Variants in RCN2 observed in about 807,000 individuals in gnomAD.
RCN2 encodes reticulocalbin 2.
A neutral mutation model predicts 37.5 loss-of-function variants in RCN2; 23 were observed. That is an observed-to-expected ratio of 0.61 (90% CI 0.44 to 0.87). RCN2 has a LOEUF of 0.87. Ranked by LOEUF, RCN2 falls within the 40% of genes least tolerant of loss-of-function variation. The pLI is 0.00. For missense variants in RCN2, 381 were observed against 390.4 expected (o/e 0.98, Z 0.20); for synonymous variants, 140 against 144.6 (o/e 0.97, Z 0.23).
intron 3 of RCN2, chr15:76,941,564 G>A: frequency 1.2e-6 from 1 of 818,624 alleles, no homozygotes; most frequent in South Asian, 2.1e-5. Flanking sequence ...AGAATACAAA[G>A]TTTTTATATA....
intron 3 of RCN2, among the ~76,000 whole-genome samples, chr15:76,940,109 A>AC (rs2075270757): frequency 6.7e-6 from 1 of 148,554 alleles, no homozygotes; most frequent in Non-Finnish European, 1.5e-5. Context: ...CCTTTTGGTT[A>AC]TTTTTTTTTT....
At chr15:76,945,167 C>T (rs2075292034) in intron 4 of RCN2, among the ~76,000 whole-genome samples, 1 of 152,212 alleles carries the variant, frequency 6.6e-6, no homozygotes, top group East Asian at 1.9e-4. Context: ...AGGTGAAAGA[C>T]TGAATTTTTA....
Position 76,949,314 on chromosome 15 carries a change from C to A in RCN2, c.*92C>A. The A allele has an allele frequency of 1.1e-6, 1 of 886,160 alleles. No individual in the cohort carries two copies. 54.9% of individuals were successfully genotyped at this position (886,160 alleles called of 1,614,324 possible). ...TAAAATATTGATGTTGTATTTTACACTCTTAAGTCTTAACCACAGTCAGAA... is the reference window on the plus strand; with the variant it reads ...TAAAATATTGATGTTGTATTTTACAATCTTAAGTCTTAACCACAGTCAGAA... On this transcript the variant is annotated 3_prime_UTR_variant, in exon 7 of 7. Coordinates refer to ENST00000394885, the MANE Select transcript of RCN2 (RefSeq NM_002902.3).
intron 3 of RCN2, chr15:76,941,750 A>AC (rs2075277422): frequency 1.3e-6 from 1 of 796,094 alleles, no homozygotes; most frequent in Non-Finnish European, 1.8e-6. Flanking sequence ...AGAAAAAGCT[A>AC]CCCCCTTCAC....
At chr15:76,936,177 T>C (rs2075246766) in intron 3 of RCN2, among the ~76,000 whole-genome samples, 1 of 144,658 alleles carries the variant, frequency 6.9e-6, no homozygotes, top group African/African-American at 2.5e-5. Flanking sequence ...AAGTAAGTAT[T>C]AAAAAAAAAA....
chr15:76,934,803 A>G (rs1446475804), intron 2 of RCN2, among the ~76,000 whole-genome samples: 1 of 152,208 alleles, frequency 6.6e-6, no homozygotes, highest in Non-Finnish European at 1.5e-5. Flanking sequence ...ATAAATAGCT[A>G]TCAAAATATT....
intron 3 of RCN2, among the ~76,000 whole-genome samples, chr15:76,936,428 C>T (rs1386664327): frequency 6.6e-6 from 1 of 152,094 alleles, no homozygotes; most frequent in Non-Finnish European, 1.5e-5. Flanking sequence ...AATTGTTCCA[C>T]CTCAGATCAG....
At chr15:76,943,984 CTTTTTT>C (rs11361216) in intron 4 of RCN2, 113 bp downstream of exon 4, 168 of 96,296 alleles carry the variant, frequency 1.7e-3, no homozygotes, top group Middle Eastern at 7.7e-3. Context: ...ATACATGAGA[CTTTTTT>C]TTTTTTTTTT....
Position 76,953,901 on chromosome 15 carries a change from C to T in RCN2, c.*4679C>T, listed in dbSNP as rs1436937713. On this transcript the variant is annotated 3_prime_UTR_variant, in exon 7 of 7. Coordinates refer to ENST00000394885, the MANE Select transcript of RCN2 (RefSeq NM_002902.3). ...GGATTACAGGCGTGAGCCACCGCGC[C>T]CGACTAGTAATTCTATTTTTAATAT... 1.3e-5 allele frequency: 2 copies of T among 151,768 alleles called. No individual in the cohort carries two copies. The highest frequency in any genetic ancestry group is 2.4e-5 in the African/African-American group (1 of 41,340). 9.4% of individuals were successfully genotyped at this position (151,768 alleles called of 1,614,324 possible). A position where few individuals can be genotyped will look rare whatever the true frequency, so the allele number is the denominator to read the frequency against.
At position 76,953,576 on chromosome 15, in the gene RCN2, TA is replaced by T. The variant is rs1568463488; in HGVS notation, c.*4355del. Reference sequence around the variant, plus strand: ...AATTCTATATATATATATATATATATATATATATATATATATATTTTTTTTT... The same window carrying T: ...AATTCTATATATATATATATATATATTATATATATATATATATTTTTTTTT... On this transcript the variant is annotated 3_prime_UTR_variant, in exon 7 of 7. Transcript: ENST00000394885. 21 of 20,126 alleles carry T rather than the reference TA, an allele frequency of 1.0e-3. No individual in the cohort carries two copies. Among genetic ancestry groups the T allele is most frequent in the East Asian group, 3.4e-3 (3 of 894 alleles). The allele number at this position is 20,126 out of a possible 1,614,324, so 1.2% of individuals were successfully genotyped here. A position where few individuals can be genotyped will look rare whatever the true frequency, so the allele number is the denominator to read the frequency against.
In RCN2 at chr15:76,943,774, A is replaced by G. The variant is rs1228500352; in HGVS notation, c.464A>G (p.Lys155Arg). 1 of 1,603,304 alleles carries G rather than the reference A, an allele frequency of 6.2e-7. No homozygotes were observed. Among genetic ancestry groups the G allele is most frequent in the South Asian group, 1.1e-5 (1 of 90,084 alleles). Reference protein sequence around the residue: ...ESFRKLHLKDKKRFEKANQDS... With the variant: ...ESFRKLHLKDRKRFEKANQDS... Reference sequence around the variant, plus strand: ...TTTTCAAAGCTTCACTTAAAGGACAAGAAGCGATTTGAAAAAGCTAACCAG... The same window carrying G: ...TTTTCAAAGCTTCACTTAAAGGACAGGAAGCGATTTGAAAAAGCTAACCAG... Residue 155 changes from lysine (K) to arginine (R), a missense_variant, in exon 4 of 7, where the codon AAG becomes AGG. Coordinates refer to ENST00000394885, the MANE Select transcript of RCN2 (RefSeq NM_002902.3).
At chr15:76,948,949 A>T in intron 6 of RCN2, 121 bp from the exon 7 acceptor site, 1 of 876,904 alleles carries the variant, frequency 1.1e-6, no homozygotes, top group Non-Finnish European at 1.7e-6. Flanking sequence ...ATTTTTAGAT[A>T]CTTAAACAAT....
chr15:76,932,211 GGT>G, intron 1 of RCN2, 148 bp from the exon 2 acceptor site: 1 of 724,324 alleles, frequency 1.4e-6, no homozygotes, highest in Non-Finnish European at 2.3e-6. Context: ...GATCATGGAG[GGT>G]GTGTAGGGGG....
intron 4 of RCN2, among the ~76,000 whole-genome samples, chr15:76,944,141 C>T (rs2075287667): frequency 6.6e-6 from 1 of 151,920 alleles, no homozygotes; most frequent in African/African-American, 2.4e-5. Context: ...CTACAGGCGC[C>T]CGCCACTACA....
intron 2 of RCN2, among the ~76,000 whole-genome samples, chr15:76,934,300 T>C (rs779209039): frequency 6.6e-6 from 1 of 151,836 alleles, no homozygotes; most frequent in African/African-American, 2.4e-5. Context: ...CTGGCCACCA[T>C]GCCCGGCTAA....
chr15:76,942,553 A>G (rs2075280272), intron 3 of RCN2: 1 of 152,204 alleles, frequency 6.6e-6, no homozygotes, highest in Admixed American at 6.5e-5. Flanking sequence ...AGAAAAGGAT[A>G]TGTGTTTATT....
At chr15:76,934,105 T>G (rs989999832) in intron 2 of RCN2, among the ~76,000 whole-genome samples, 3 of 152,202 alleles carry the variant, frequency 2.0e-5, no homozygotes, top group Admixed American at 1.3e-4. Flanking sequence ...CTCCCTTTGT[T>G]TCCTTTAACG....
In RCN2 at chr15:76,952,004, C is replaced by A. The variant is rs1015781574; in HGVS notation, c.*2782C>A. 1.4e-5 allele frequency: 2 copies of A among 145,044 alleles called. No individual in the cohort carries two copies. The highest frequency in any genetic ancestry group is 1.5e-4 in the Admixed American group (2 of 13,316). 9.0% of individuals were successfully genotyped at this position (145,044 alleles called of 1,614,324 possible). ...TCATGTTTGCCTTACTTAGTTCTTTCCTTTGCAGTTTTAAAAATAGGCTTT... is the reference window on the plus strand; with the variant it reads ...TCATGTTTGCCTTACTTAGTTCTTTACTTTGCAGTTTTAAAAATAGGCTTT... On this transcript the variant is annotated 3_prime_UTR_variant, in exon 7 of 7. Coordinates refer to ENST00000394885, the MANE Select transcript of RCN2 (RefSeq NM_002902.3).
chr15:76,946,777 T>C (rs755367201), intron 4 of RCN2, among the ~76,000 whole-genome samples: 12 of 151,870 alleles, frequency 7.9e-5, no homozygotes, highest in South Asian at 2.1e-4. Context: ...TAGGAAGATA[T>C]TGAGGAAAGT....
Sources: gnomAD v4.1 joint callset for allele counts (sites outside exome capture counted in the v4.1 genomes callset) on GRCh38, gnomAD v4.1.1 for gene constraint, MANE v1.5 for transcripts, NCBI Gene and HGNC (gene_info 2026-07-23, HGNC 2026-07-21) for gene names.